Variants in ROCK2 observed in about 807,000 individuals in gnomAD.
The protein encoded by ROCK2 is Rho associated coiled-coil containing protein kinase 2, also known as rho-associated protein kinase 2.
Under a neutral mutation model 195.1 loss-of-function variants are expected in ROCK2, and 61 were observed. The ratio of observed to expected loss-of-function variants is 0.31; its 90% CI spans 0.25 to 0.39. ROCK2 has a LOEUF of 0.39. Among genes scored for constraint, ROCK2 ranks in the 10% least tolerant of loss-of-function variants. The pLI is 1.00. For synonymous variants in ROCK2, 504 were observed against 545.5 expected, an observed-to-expected ratio of 0.92 and a Z score of 1.06; for missense variants, 1,109 against 1,637.4, an observed-to-expected ratio of 0.68 and a Z score of 5.57.
chr2:11,326,588 A>G (rs1224489392), intron 1 of ROCK2, among the ~76,000 whole-genome samples: 2 of 152,040 alleles, frequency 1.3e-5, no homozygotes, highest in Admixed American at 6.5e-5. Flanking sequence ...TTTGTTTTTT[A>G]TTTTCTGACC....
rs774147452 is a variant in ROCK2 at position 11,286,646 on chromosome 2, T to C, written c.224-7A>G. ...TTTTTCACAATTTTCTCATCTACCATAAAAAGATCACCATACTTATAATAT... is the reference window on the plus strand; with the variant it reads ...TTTTTCACAATTTTCTCATCTACCACAAAAAGATCACCATACTTATAATAT... On this transcript the variant is annotated splice_polypyrimidine_tract_variant and splice_region_variant and intron_variant, in intron 2 of 32. Coordinates refer to ENST00000315872, the MANE Select transcript of ROCK2 (RefSeq NM_004850.5). 1.8e-5 allele frequency: 26 copies of C among 1,413,570 alleles called. No homozygotes were observed. Among genetic ancestry groups the C allele is most frequent in the South Asian group, 4.7e-5 (4 of 84,780 alleles). The allele number at this position is 1,413,570 out of a possible 1,614,324, so 87.6% of individuals were successfully genotyped here.
At chr2:11,271,636 A>C (rs923727898) in intron 3 of ROCK2, among the ~76,000 whole-genome samples, 10 of 152,128 alleles carry the variant, frequency 6.6e-5, no homozygotes, top group African/African-American at 2.2e-4. Context: ...TGCAACCAGA[A>C]ACCTGTTGCC....
intron 3 of ROCK2, among the ~76,000 whole-genome samples, chr2:11,282,013 T>C (rs1249372165): frequency 2.0e-5 from 3 of 152,090 alleles, no homozygotes; most frequent in Admixed American, 6.6e-5. Flanking sequence ...AAACTGATTC[T>C]AAAGTTTATA....
intron 3 of ROCK2, among the ~76,000 whole-genome samples, chr2:11,261,779 C>A (rs1179849669): frequency 6.6e-6 from 1 of 152,138 alleles, no homozygotes; most frequent in South Asian, 2.1e-4. Context: ...GATCCGAGAT[C>A]ACGCCATTGC....
At position 11,224,302 on chromosome 2, in the gene ROCK2, A is replaced by G; in HGVS notation, c.1007+20T>C. On this transcript the variant is annotated intron_variant, in intron 7 of 32. Transcript: ENST00000315872. ...TTTAACATAAAGGGCTTCTCTACAA[A>G]GAAATTCAATGTACATTACCTATCT... 6.3e-7 allele frequency: 1 copy of G among 1,584,338 alleles called. No homozygotes were observed. Among genetic ancestry groups the G allele is most frequent in the Non-Finnish European group, 8.6e-7 (1 of 1,168,078 alleles).
intron 3 of ROCK2, among the ~76,000 whole-genome samples, chr2:11,250,424 C>G (rs1375030996): frequency 6.6e-6 from 1 of 152,072 alleles, no homozygotes; most frequent in Admixed American, 6.5e-5. Context: ...TATTTTTGAC[C>G]ACCCTTTTAA....
chr2:11,193,205 T>C (rs1407041321), intron 30 of ROCK2, among the ~76,000 whole-genome samples: 1 of 152,182 alleles, frequency 6.6e-6, no homozygotes, highest in East Asian at 1.9e-4. Context: ...GGAAAGGATG[T>C]GTATTAAACT....
At chr2:11,257,269 T>C (rs1332392306) in intron 3 of ROCK2, among the ~76,000 whole-genome samples, 3 of 34,006 alleles carry the variant, frequency 8.8e-5, no homozygotes, top group African/African-American at 2.9e-4. Flanking sequence ...GTGGCCACTG[T>C]GGAGTCCCTG....
In ROCK2 at chr2:11,192,223, G is replaced by A. The variant is rs750898507; in HGVS notation, c.4088C>T (p.Pro1363Leu). The A allele has an allele frequency of 1.9e-6, 3 of 1,613,942 alleles. No homozygotes were observed. The highest frequency in any genetic ancestry group is 2.2e-5 in the East Asian group (1 of 44,874). ...TTGCTGTATCTTCATTGAAGTTCTAGGAGATGATCGGGCAAAAGGGTCTGG... is the reference window on the plus strand; with the variant it reads ...TTGCTGTATCTTCATTGAAGTTCTAAGAGATGATCGGGCAAAAGGGTCTGG... Reference protein sequence around the residue: ...PAPDPFARSSPRTSMKIQQNQ... With the variant: ...PAPDPFARSSLRTSMKIQQNQ... The change falls in exon 32 of 33, where the codon CCT becomes CTT. Residue 1363 changes from proline to leucine, a missense_variant. By Grantham distance (98) the Pro-to-Leu change is moderately conservative (BLOSUM62 -3). Transcript: ENST00000315872. This position sits in a 1 kb window ranked among gnomAD's most constrained non-coding sequence, Gnocchi z 5.0.
chr2:11,289,089 C>G (rs1667285622), intron 1 of ROCK2, among the ~76,000 whole-genome samples: 1 of 152,112 alleles, frequency 6.6e-6, no homozygotes, highest in Non-Finnish European at 1.5e-5. Flanking sequence ...AAACTATTAA[C>G]ATTTTTAATA....
intron 3 of ROCK2, among the ~76,000 whole-genome samples, chr2:11,277,659 T>A (rs1224924675): frequency 6.6e-6 from 1 of 152,248 alleles, no homozygotes; most frequent in South Asian, 2.1e-4. Context: ...ATGCCGTTAA[T>A]TCATTCCTTT....
chr2:11,257,896 T>C (rs1666091786), intron 3 of ROCK2, among the ~76,000 whole-genome samples: 1 of 151,546 alleles, frequency 6.6e-6, no homozygotes, highest in Admixed American at 6.6e-5. Context: ...AGTGTTTGTT[T>C]TTCTAACCTG....
chr2:11,226,034 G>A (rs1664801111), intron 6 of ROCK2, among the ~76,000 whole-genome samples: 1 of 151,988 alleles, frequency 6.6e-6, no homozygotes, highest in African/African-American at 2.4e-5. Flanking sequence ...TATCATACAG[G>A]TTTTACACTA....
chr2:11,334,588 C>A (rs544099981), intron 1 of ROCK2, among the ~76,000 whole-genome samples: 1 of 150,358 alleles, frequency 6.7e-6, no homozygotes, highest in African/African-American at 2.4e-5. Flanking sequence ...AAGACTCGTA[C>A]TAAAAGAGCT....
intron 20 of ROCK2, among the ~76,000 whole-genome samples, chr2:11,204,716 C>T (rs1663988596): frequency 6.6e-6 from 1 of 152,154 alleles, no homozygotes; most frequent in Non-Finnish European, 1.5e-5. Context: ...TTCAAGAGCT[C>T]GTTCCTATTC....
intron 1 of ROCK2, among the ~76,000 whole-genome samples, chr2:11,301,750 C>T (rs1667712186): frequency 6.8e-6 from 1 of 146,416 alleles, no homozygotes; most frequent in Admixed American, 7.0e-5. Context: ...TGCACTCCAG[C>T]CTGGGCAACA....
At position 11,197,452 on chromosome 2, in the gene ROCK2, T is replaced by G; in HGVS notation, c.3279+74A>C. On this transcript the variant is annotated intron_variant, in intron 26 of 32. Transcript: ENST00000315872. This position sits in a 1 kb window ranked among gnomAD's most constrained non-coding sequence, Gnocchi z 4.9. ...TTAAATAGAAATGGTCTATAACCAG[T>G]AAAACACAGACATGAAAATAATTCT... 5.2e-6 allele frequency: 8 copies of G among 1,542,546 alleles called. No homozygotes were observed. The highest frequency in any genetic ancestry group is 7.1e-6 in the Non-Finnish European group (8 of 1,134,662).
At chr2:11,292,204 G>C (rs1220235008) in intron 1 of ROCK2, among the ~76,000 whole-genome samples, 2 of 151,928 alleles carry the variant, frequency 1.3e-5, no homozygotes, top group Non-Finnish European at 2.9e-5. Context: ...CTAGCATTCA[G>C]CATGACCACA....
In ROCK2 at chr2:11,197,301, C is replaced by T; in HGVS notation, c.3327G>A (p.Leu1109=). 6.2e-7 allele frequency: 1 copy of T among 1,614,010 alleles called. No homozygotes were observed. Among genetic ancestry groups the T allele is most frequent in the Non-Finnish European group, 8.5e-7 (1 of 1,179,924 alleles). Residue 1109 remains leucine, a synonymous_variant, in exon 27 of 33, where the codon TTG becomes TTA. Coordinates refer to ENST00000315872, the MANE Select transcript of ROCK2 (RefSeq NM_004850.5). The surrounding 1 kb of genome is among the most constrained non-coding windows in gnomAD (Gnocchi z 4.9). ...GCTCAATGTCACTGTCTTTACTGTC[C>T]AATGTCATCTGCAGTTCAATTCGAA... is the stretch of plus-strand genomic sequence containing the variant. ...SQIRIELQMT[L]DSKDSDIEQL... is the part of the protein sequence containing the mutation.
Sources: gnomAD v4.1 joint callset for allele counts (sites outside exome capture counted in the v4.1 genomes callset) on GRCh38, gnomAD v4.1.1 for gene constraint, Gnocchi (gnomAD v3.1) non-coding constraint, MANE v1.5 for transcripts, NCBI Gene and HGNC (gene_info 2026-07-23, HGNC 2026-07-21) for gene names.